The following DNM3 variants were observed in gnomAD, a reference collection of about 807,000 sequenced individuals.
DNM3 encodes dynamin-3.
DNM3 carries 47 observed loss-of-function variants against 101.6 expected under a neutral mutation model. The observed-to-expected ratio is 0.46, with a 90% CI of 0.37 to 0.59. The LOEUF is 0.59. Ranked by LOEUF, DNM3 falls within the 20% of genes least tolerant of loss-of-function variation. DNM3 has a pLI of 0.00. For missense variants in DNM3, 849 were observed against 1,085.7 expected, an observed-to-expected ratio of 0.78 and a Z score of 3.06; for synonymous variants, 385 against 387.9, an observed-to-expected ratio of 0.99 and a Z score of 0.09.
chr1:172,014,086 T>G (rs753265266), intron 4 of DNM3, among the ~76,000 whole-genome samples: 1 of 152,054 alleles, frequency 6.6e-6, no homozygotes, highest in African/African-American at 2.4e-5. Flanking sequence ...CACATGTTTA[T>G]AGCAGCACGA....
chr1:172,044,188 G>A (rs1055208472), intron 8 of DNM3, among the ~76,000 whole-genome samples, 197 bp from the exon 9 acceptor site: 2 of 152,134 alleles, frequency 1.3e-5, no homozygotes, highest in Non-Finnish European at 2.9e-5. Flanking sequence ...CTGCCCCCAA[G>A]CTCCCCAAAA....
At chr1:172,183,962 T>C (rs1347313222) in intron 14 of DNM3, among the ~76,000 whole-genome samples, 2 of 151,556 alleles carry the variant, frequency 1.3e-5, no homozygotes, top group Non-Finnish European at 2.9e-5. Flanking sequence ...ATTAATATTC[T>C]AGTACTCAAA....
chr1:172,156,997 G>C (rs2058363307), intron 14 of DNM3, among the ~76,000 whole-genome samples: 1 of 152,040 alleles, frequency 6.6e-6, no homozygotes, highest in Admixed American at 6.6e-5. Flanking sequence ...CTGGTTTCAT[G>C]GAAGACAATT....
At chr1:172,050,947 T>C (rs1242208552) in intron 10 of DNM3, among the ~76,000 whole-genome samples, 1 of 152,196 alleles carries the variant, frequency 6.6e-6, no homozygotes, top group African/African-American at 2.4e-5. Context: ...TCTGATGGCA[T>C]GGGATGAGAC....
chr1:172,072,702 A>G (rs955163209), intron 11 of DNM3, among the ~76,000 whole-genome samples: 1 of 152,216 alleles, frequency 6.6e-6, no homozygotes, highest in Non-Finnish European at 1.5e-5. Flanking sequence ...AGCCTGGCCA[A>G]CATGGTGAAA....
At chr1:171,921,224 A>G (rs1176215620) in intron 1 of DNM3, among the ~76,000 whole-genome samples, 3 of 151,892 alleles carry the variant, frequency 2.0e-5, no homozygotes. Flanking sequence ...CTGGGATTAC[A>G]GGTGTGGAAC....
At chr1:171,886,947 C>T (rs1011358793) in intron 1 of DNM3, among the ~76,000 whole-genome samples, 1 of 151,996 alleles carries the variant, frequency 6.6e-6, no homozygotes, top group African/African-American at 2.4e-5. Flanking sequence ...AAAGTTATTT[C>T]CCTTTGGTTA....
Position 172,408,123 on chromosome 1 carries a change from C to T in DNM3, c.*282C>T. 1 of 1,187,376 alleles carries T rather than the reference C, an allele frequency of 8.4e-7. No homozygotes were observed. The highest frequency in any genetic ancestry group is 1.0e-6 in the Non-Finnish European group (1 of 954,370). 73.6% of individuals were successfully genotyped at this position (1,187,376 alleles called of 1,614,324 possible). On this transcript the variant is annotated 3_prime_UTR_variant, in exon 21 of 21. Coordinates refer to ENST00000627582, the MANE Select transcript of DNM3 (RefSeq NM_015569.5). ...TTTGGGGATCATTTGCCTACCATGG[C>T]ATATATTTGAAATTGCTTTGGACAA...
intron 4 of DNM3, among the ~76,000 whole-genome samples, chr1:172,023,678 A>T (rs901398928): frequency 6.6e-6 from 1 of 151,964 alleles, no homozygotes; most frequent in African/African-American, 2.4e-5. Context: ...CCTGTTTGGC[A>T]CTTGTTGAGT....
At chr1:172,312,668 CTCCCTTCTTTCTT>C (rs2065131816) in intron 16 of DNM3, among the ~76,000 whole-genome samples, 1 of 151,960 alleles carries the variant, frequency 6.6e-6, no homozygotes, top group African/African-American at 2.4e-5. Context: ...ATCCTCTTTC[CTCCCTTCTTTCTT>C]TCCCTTCATC....
intron 4 of DNM3, among the ~76,000 whole-genome samples, chr1:172,025,922 G>T (rs781537133): frequency 6.6e-6 from 1 of 152,008 alleles, no homozygotes; most frequent in Non-Finnish European, 1.5e-5. Context: ...ACAACTCCTC[G>T]TCGGAAAGGG....
chr1:171,931,040 C>A (rs769556530), intron 2 of DNM3, among the ~76,000 whole-genome samples: 1 of 152,098 alleles, frequency 6.6e-6, no homozygotes, highest in Non-Finnish European at 1.5e-5. Context: ...GCCTGGGCAA[C>A]ATAGGAAGCC....
chr1:172,236,596 AAGG>A (rs1557862377), intron 14 of DNM3, among the ~76,000 whole-genome samples: 1 of 151,900 alleles, frequency 6.6e-6, no homozygotes, highest in African/African-American at 2.4e-5. Flanking sequence ...AAAGGAGGAG[AAGG>A]AGGAGGAAAA....
intron 13 of DNM3, among the ~76,000 whole-genome samples, chr1:172,102,465 G>A (rs2054717648): frequency 6.6e-6 from 1 of 152,040 alleles, no homozygotes; most frequent in African/African-American, 2.4e-5. Flanking sequence ...TTTAATGTAT[G>A]CCACTTATGT....
intron 18 of DNM3, among the ~76,000 whole-genome samples, chr1:172,385,423 T>C (rs2069128297): frequency 6.6e-6 from 1 of 152,218 alleles, no homozygotes. Context: ...TGCCTCAGGA[T>C]TCCTGGCCAA....
At chr1:172,208,347 C>A (rs578164310) in intron 14 of DNM3, among the ~76,000 whole-genome samples, 1 of 152,166 alleles carries the variant, frequency 6.6e-6, no homozygotes, top group South Asian at 2.1e-4. Flanking sequence ...GGCCACTATA[C>A]CCAGAAATTT....
intron 13 of DNM3, among the ~76,000 whole-genome samples, chr1:172,115,591 C>T (rs1038489891): frequency 3.9e-5 from 6 of 152,182 alleles, no homozygotes; most frequent in African/African-American, 1.2e-4. Flanking sequence ...CTCCCCCTCT[C>T]GCTCACTGGG....
intron 17 of DNM3, among the ~76,000 whole-genome samples, chr1:172,329,856 C>T (rs1242003081): frequency 6.6e-6 from 1 of 152,126 alleles, no homozygotes; most frequent in Non-Finnish European, 1.5e-5. Context: ...CTAGCCCCTG[C>T]AAAAGGACTA....
intron 2 of DNM3, among the ~76,000 whole-genome samples, chr1:171,932,375 G>T (rs1016951872): frequency 6.6e-6 from 1 of 151,472 alleles, no homozygotes; most frequent in African/African-American, 2.4e-5. Flanking sequence ...GAACTCCTAG[G>T]CTCAAGTGAT....
Sources: gnomAD v4.1 joint callset for allele counts (sites outside exome capture counted in the v4.1 genomes callset) on GRCh38, gnomAD v4.1.1 for gene constraint, MANE v1.5 for transcripts, NCBI Gene and HGNC (gene_info 2026-07-23, HGNC 2026-07-21) for gene names.